The following PSD4 variants were observed in gnomAD, a reference collection of about 807,000 sequenced individuals.
The protein encoded by PSD4 is PH and SEC7 domain-containing protein 4.
In PSD4, 59 loss-of-function variants were observed where a neutral mutation model predicts 112.5. The ratio of observed to expected loss-of-function variants is 0.52; its 90% CI spans 0.43 to 0.65. PSD4 has a LOEUF of 0.65. Among genes scored for constraint, PSD4 ranks in the 30% least tolerant of loss-of-function variants. PSD4 has a pLI of 0.00. For synonymous variants in PSD4, 533 were observed against 540.0 expected, an observed-to-expected ratio of 0.99 and a Z score of 0.18; for missense variants, 1,267 against 1,352.6, an observed-to-expected ratio of 0.94 and a Z score of 0.99.
chr2:113,201,188 C>T lies in PSD4; in HGVS notation c.2944C>T (p.Leu982=), dbSNP rs200645139. The T allele has an allele frequency of 3.1e-6, 5 of 1,613,162 alleles. No homozygotes were observed. Among genetic ancestry groups the T allele is most frequent in the East Asian group, 2.2e-5 (1 of 44,860 alleles). The part of the protein sequence containing the change: ...KTRYETYVQL[L]VARLHCPSDA... Reference sequence around the variant, plus strand: ...CCGCTACGAGACCTACGTGCAGCTGCTGGTGGCCCGCCTGCACTGCCCCTC... The same window carrying T: ...CCGCTACGAGACCTACGTGCAGCTGTTGGTGGCCCGCCTGCACTGCCCCTC... The change falls in exon 17 of 17, where the codon CTG becomes TTG. Residue 982 remains leucine, a synonymous_variant. Coordinates refer to ENST00000245796, the MANE Select transcript of PSD4 (RefSeq NM_012455.3).
intron 16 of PSD4, 112 bp from the exon 17 acceptor site, chr2:113,201,046 G>C: frequency 2.1e-6 from 3 of 1,417,470 alleles, no homozygotes; most frequent in Middle Eastern, 2.6e-4. Flanking sequence ...TCTTTCTGTC[G>C]AGGTCTGTAT....
At chr2:113,198,697 C>T (rs368284889) in intron 14 of PSD4, 43 bp from the exon 15 acceptor site, 2 of 1,503,636 alleles carry the variant, frequency 1.3e-6, no homozygotes, top group Non-Finnish European at 1.8e-6. Context: ...GGTGACAGGA[C>T]GGACTCTGTG....
At chr2:113,178,518 C>T (rs76223611) in intron 1 of PSD4, among the ~76,000 whole-genome samples, 3,420 of 151,472 alleles carry the variant, frequency 0.023, 82 homozygotes, top group East Asian at 0.095. Context: ...TCAGCATTAG[C>T]GTGTACCTAG....
chr2:113,197,731 C>G lies in PSD4; in HGVS notation c.2458-16C>G, dbSNP rs45531640. Reference sequence around the variant, plus strand: ...AGCTGATGATAACCTCTTCTCTGAGCCCCTGTGACTGGTAGCAGGGAGAAG... The same window carrying G: ...AGCTGATGATAACCTCTTCTCTGAGGCCCTGTGACTGGTAGCAGGGAGAAG... On this transcript the variant is annotated splice_polypyrimidine_tract_variant and intron_variant, in intron 13 of 16. Transcript: ENST00000245796. The G allele has an allele frequency of 1.9e-6, 3 of 1,607,136 alleles. No homozygotes were observed. Among genetic ancestry groups the G allele is most frequent in the African/African-American group, 1.3e-5 (1 of 74,940 alleles).
chr2:113,196,873 C>A (rs1688628441), intron 12 of PSD4, among the ~76,000 whole-genome samples: 1 of 152,182 alleles, frequency 6.6e-6, no homozygotes, highest in South Asian at 2.1e-4. Flanking sequence ...GCATTTGGGC[C>A]TTATTCCACA....
chr2:113,191,206 G>C (rs1688434007), intron 5 of PSD4, among the ~76,000 whole-genome samples: 1 of 152,228 alleles, frequency 6.6e-6, no homozygotes, highest in African/African-American at 2.4e-5. Flanking sequence ...CATTAACCCT[G>C]ACCCAGCTGT....
Position 113,203,387 on chromosome 2 carries a change from C to G in PSD4, c.*1972C>G, listed in dbSNP as rs1433783636. On this transcript the variant is annotated 3_prime_UTR_variant, in exon 17 of 17. Transcript: ENST00000245796. ...GGATAGATAAATATGTTTAAAGCTC[C>G]TTGGGTAATTCTGATGTGTAAGTAG... 1 of 152,034 alleles carries G rather than the reference C, an allele frequency of 6.6e-6. No individual in the cohort carries two copies. Among genetic ancestry groups the G allele is most frequent in the Non-Finnish European group, 1.5e-5 (1 of 68,008 alleles). 9.4% of individuals were successfully genotyped at this position (152,034 alleles called of 1,614,324 possible).
intron 6 of PSD4, 115 bp downstream of exon 6, chr2:113,192,704 C>A: frequency 9.1e-7 from 1 of 1,095,544 alleles, no homozygotes. Context: ...GTTCCCTTCC[C>A]ATCTCCCCTC....
intron 9 of PSD4, 49 bp from the exon 10 acceptor site, chr2:113,193,810 A>G (rs1451995431): frequency 1.9e-6 from 3 of 1,591,072 alleles, no homozygotes; most frequent in Non-Finnish European, 1.7e-6. Context: ...AGGTTATTCT[A>G]TTGGGATGGG....
chr2:113,199,235 C>T lies in PSD4; in HGVS notation c.2913+9C>T, dbSNP rs749393092. The T allele has an allele frequency of 6.8e-7, 1 of 1,470,774 alleles. No homozygotes were observed. Among genetic ancestry groups the T allele is most frequent in the Non-Finnish European group, 9.0e-7 (1 of 1,116,556 alleles). 91.1% of individuals were successfully genotyped at this position (1,470,774 alleles called of 1,614,324 possible). ...AGTACCTGGAGTACGAGGTGAGCGGCCGAGCCCACCTCCCCGCCGCTGCGC... is the reference window on the plus strand; with the variant it reads ...AGTACCTGGAGTACGAGGTGAGCGGTCGAGCCCACCTCCCCGCCGCTGCGC... On this transcript the variant is annotated intron_variant, in intron 16 of 16. Transcript: ENST00000245796.
chr2:113,197,573 G>A lies in PSD4; in HGVS notation c.2396G>A (p.Gly799Asp). 1.2e-6 allele frequency: 2 copies of A among 1,614,228 alleles called. No individual in the cohort carries two copies. Among genetic ancestry groups the A allele is most frequent in the Non-Finnish European group, 1.7e-6 (2 of 1,180,026 alleles). ...QDADGKKTPW[G>D]KRGWKMFHTL... ...TCTGTTCCTGGAACAGCGCCATGGG[G>A]CAAGCGTGGCTGGAAGATGTTCCAC... is the stretch of plus-strand genomic sequence containing the variant. The change falls in exon 13 of 17, where the codon GGC becomes GAC. Residue 799 changes from glycine (G) to aspartate (D), a missense_variant. By Grantham distance (94) the Gly-to-Asp change is moderately conservative. This residue lies in a region of PSD4 where 544 missense variants were observed against 648.6 expected (regional missense o/e 0.84). Coordinates refer to ENST00000245796, the MANE Select transcript of PSD4 (RefSeq NM_012455.3).
chr2:113,196,063 G>C, intron 11 of PSD4, 84 bp from the exon 12 acceptor site: 1 of 1,499,224 alleles, frequency 6.7e-7, no homozygotes, highest in Non-Finnish European at 9.1e-7. Context: ...GAAAAGAGAG[G>C]TTGCTAAGGC....
At position 113,193,475 on chromosome 2, in the gene PSD4, G is replaced by T. The variant is rs1558893613; in HGVS notation, c.2032+105G>T. On this transcript the variant is annotated intron_variant, in intron 8 of 16. Coordinates refer to ENST00000245796, the MANE Select transcript of PSD4 (RefSeq NM_012455.3). ...GTGAACTGGTGGGAGTGTGTTGGGG[G>T]CTGTGGAGAATGGAAGCATTCCAGG... 6 of 1,483,294 alleles carry T rather than the reference G, an allele frequency of 4.0e-6. No homozygotes were observed. In the South Asian group the frequency reaches 5.7e-5, roughly 14 times the overall value. 91.9% of individuals were successfully genotyped at this position (1,483,294 alleles called of 1,614,324 possible).
chr2:113,195,712 G>A lies in PSD4; in HGVS notation c.2182-15G>A. The A allele has an allele frequency of 1.2e-6, 2 of 1,614,182 alleles. No homozygotes were observed. The highest frequency in any genetic ancestry group is 1.7e-6 in the Non-Finnish European group (2 of 1,180,030). ...CCCTGAGGCTCCCCTGCCCACCTGTGTGCTTCTGTTCCAGGCCCTCTACTG... is the reference window on the plus strand; with the variant it reads ...CCCTGAGGCTCCCCTGCCCACCTGTATGCTTCTGTTCCAGGCCCTCTACTG... On this transcript the variant is annotated splice_polypyrimidine_tract_variant and intron_variant, in intron 10 of 16. Transcript: ENST00000245796.
At chr2:113,185,710 C>T (rs1191161458) in intron 4 of PSD4, 167 bp from the exon 5 acceptor site, 19 of 1,548,908 alleles carry the variant, frequency 1.2e-5, no homozygotes, top group Admixed American at 2.0e-5. Flanking sequence ...CCTGGGAGCC[C>T]GCTGTCTGCT....
At chr2:113,183,657 G>C in intron 2 of PSD4, 145 bp downstream of exon 2, 1 of 725,906 alleles carries the variant, frequency 1.4e-6, no homozygotes, top group Admixed American at 3.7e-5. Flanking sequence ...CAGGGTAATA[G>C]AGCAGAAAAT....
chr2:113,208,940 G>A lies in PSD4; in HGVS notation c.*7525G>A, dbSNP rs1688903516. 6.6e-6 allele frequency: 1 copy of A among 152,216 alleles called. No homozygotes were observed. The highest frequency in any genetic ancestry group is 2.4e-5 in the African/African-American group (1 of 41,432). The allele number at this position is 152,216 out of a possible 1,614,324, so 9.4% of individuals were successfully genotyped here. A position where few individuals can be genotyped will look rare whatever the true frequency, so the allele number is the denominator to read the frequency against. On this transcript the variant is annotated 3_prime_UTR_variant, in exon 17 of 17. Transcript: ENST00000245796. ...GAGTGTGGATTTCAGTGCTCTCACT[G>A]AGCAGAGGCTGAGGGTGACCACCTT... is the stretch of plus-strand genomic sequence containing the variant.
At chr2:113,179,335 G>C (rs1300021718) in intron 1 of PSD4, among the ~76,000 whole-genome samples, 1 of 152,164 alleles carries the variant, frequency 6.6e-6, no homozygotes, top group Non-Finnish European at 1.5e-5. Context: ...CTGTTACCTG[G>C]AGGTAGTGGT....
At position 113,178,398 on chromosome 2, in the gene PSD4, G is replaced by A. The variant is rs1210275022; in HGVS notation, c.-111-3948G>A. ...GAGATCTGCTCTCTTCTCTTTGCTC[G>A]GAAAGCTGCTGCAGCCTCTGGTATT... On this transcript the variant is annotated intron_variant, in intron 1 of 16. Coordinates refer to ENST00000245796, the MANE Select transcript of PSD4 (RefSeq NM_012455.3). Among the ~76,000 whole-genome samples, 8 of 151,644 alleles carry A rather than the reference G, an allele frequency of 5.3e-5. No individual in the cohort carries two copies. In the East Asian group the frequency reaches 7.8e-4, roughly 15 times the overall value.
Sources: gnomAD v4.1 joint callset for allele counts (sites outside exome capture counted in the v4.1 genomes callset) on GRCh38, gnomAD v4.1.1 for gene constraint, gnomAD v4.1.1 regional missense constraint, MANE v1.5 for transcripts, NCBI Gene and HGNC (gene_info 2026-07-23, HGNC 2026-07-21) for gene names.